The following UBE2J1 variants were observed in gnomAD, a reference collection of about 807,000 sequenced individuals.
UBE2J1 encodes ubiquitin-conjugating enzyme E2 J1.
A neutral mutation model predicts 42.1 loss-of-function variants in UBE2J1; 17 were observed. The ratio of observed to expected loss-of-function variants is 0.40; its 90% CI spans 0.28 to 0.61. The LOEUF is 0.61. Among genes scored for constraint, UBE2J1 ranks in the 20% least tolerant of loss-of-function variants. UBE2J1 has a pLI of 0.38. For missense variants in UBE2J1, 291 were observed against 389.4 expected, an observed-to-expected ratio of 0.75 and a Z score of 2.13; for synonymous variants, 127 against 137.2, an observed-to-expected ratio of 0.93 and a Z score of 0.52.
At chr6:89,344,988 G>T (rs1413120294) in intron 1 of UBE2J1, among the ~76,000 whole-genome samples, 4 of 152,166 alleles carry the variant, frequency 2.6e-5, no homozygotes, top group Admixed American at 2.6e-4. Context: ...CAGTGGGATG[G>T]CTGAGTTAGG....
chr6:89,347,019 G>A (rs1768378037), intron 1 of UBE2J1, among the ~76,000 whole-genome samples: 1 of 152,134 alleles, frequency 6.6e-6, no homozygotes, highest in Non-Finnish European at 1.5e-5. Flanking sequence ...AAAGGCAATG[G>A]TTTTTAAACT....
chr6:89,342,048 A>G (rs1347413472), intron 3 of UBE2J1, among the ~76,000 whole-genome samples: 1 of 152,192 alleles, frequency 6.6e-6, no homozygotes, highest in African/African-American at 2.4e-5. Context: ...ATGAAGTGCC[A>G]GATGTGTATG....
intron 3 of UBE2J1, among the ~76,000 whole-genome samples, 191 bp from the exon 4 acceptor site, chr6:89,338,734 C>T (rs1337544418): frequency 8.2e-6 from 1 of 122,020 alleles, no homozygotes; most frequent in African/African-American, 3.1e-5. Context: ...GGTGTGATAT[C>T]AGCTCACTGC....
intron 1 of UBE2J1, 70 bp from the exon 2 acceptor site, chr6:89,343,826 G>T: frequency 1.6e-6 from 2 of 1,251,434 alleles, no homozygotes; most frequent in Middle Eastern, 2.7e-4. Context: ...AGTCTTACGA[G>T]CCTAATGAAA....
intron 1 of UBE2J1, among the ~76,000 whole-genome samples, chr6:89,351,709 C>T (rs1411797824): frequency 6.6e-6 from 1 of 152,152 alleles, no homozygotes; most frequent in African/African-American, 2.4e-5. Flanking sequence ...TTTCTTCCCC[C>T]TGACAAAATG....
rs142918559 is a variant in UBE2J1, at chr6:89,336,344, G to A, written c.429-913C>T. The stretch of plus-strand genomic sequence containing the variant: ...CTCGTTCTATCACCCAGGCTGGAAT[G>A]CAGTGGTGCAATCATGGCTTGCTGC... On this transcript the variant is annotated intron_variant, in intron 5 of 7. Coordinates refer to ENST00000435041, the MANE Select transcript of UBE2J1 (RefSeq NM_016021.3). Among the ~76,000 whole-genome samples the A allele has an allele frequency of 9.6e-3, 1,465 of 152,120 alleles. 25 individuals are homozygous for A. Among genetic ancestry groups the A allele is most frequent in the African/African-American group, 0.033 (1,375 of 41,490 alleles).
chr6:89,341,012 T>C (rs941344937), intron 3 of UBE2J1, among the ~76,000 whole-genome samples: 2 of 151,752 alleles, frequency 1.3e-5, no homozygotes, highest in East Asian at 3.9e-4. Context: ...CCTGACCTCA[T>C]GATCCACCCG....
chr6:89,328,531 G>A lies in UBE2J1; in HGVS notation c.*1148C>T, dbSNP rs559740403. 6.6e-6 allele frequency: 1 copy of A among 152,310 alleles called. No individual in the cohort carries two copies. The highest frequency in any genetic ancestry group is 2.4e-5 in the African/African-American group (1 of 41,560). The allele number at this position is 152,310 out of a possible 1,614,324, so 9.4% of individuals were successfully genotyped here. ...AACAACACCCTCAAGAGTGCCCTCA[G>A]TGCTGCGAACTGAACATGCTGAAGG... is the stretch of plus-strand genomic sequence containing the variant. On this transcript the variant is annotated 3_prime_UTR_variant, in exon 8 of 8. Transcript: ENST00000435041.
chr6:89,329,907 A>G lies in UBE2J1; in HGVS notation c.729T>C (p.Pro243=), dbSNP rs758244778. 145 of 1,614,032 alleles carry G rather than the reference A, an allele frequency of 9.0e-5. No individual in the cohort carries two copies. Among genetic ancestry groups the G allele is most frequent in the Non-Finnish European group, 1.1e-4 (133 of 1,180,006 alleles). ...SAASFHQPTQ[P]VAKNTSMSPR... is the part of the protein sequence containing the mutation. Reference sequence around the variant, plus strand: ...GGCTCATGGAGGTATTCTTAGCTACAGGTTGGGTAGGTTGATGAAAGGATG... The same window carrying G: ...GGCTCATGGAGGTATTCTTAGCTACGGGTTGGGTAGGTTGATGAAAGGATG... The change falls in exon 8 of 8, where the codon CCT becomes CCC. Residue 243 remains proline, a synonymous_variant. Transcript: ENST00000435041.
intron 1 of UBE2J1, among the ~76,000 whole-genome samples, chr6:89,344,137 C>T (rs942527962): frequency 3.9e-5 from 6 of 152,012 alleles, no homozygotes; most frequent in Non-Finnish European, 8.8e-5. Context: ...AGCCGAGACA[C>T]GGAGAGATTA....
In UBE2J1 at chr6:89,342,475, C is replaced by T; in HGVS notation, c.106-20G>A. 2.5e-6 allele frequency: 4 copies of T among 1,574,006 alleles called. No homozygotes were observed. Among genetic ancestry groups the T allele is most frequent in the Non-Finnish European group, 3.4e-6 (4 of 1,165,490 alleles). ...GTTATCCTGAACAAAAACAATAATC[C>T]ACAAGGAATTAATAATATTGAAAAG... On this transcript the variant is annotated intron_variant, in intron 2 of 7. Transcript: ENST00000435041.
chr6:89,338,661 T>G lies in UBE2J1; in HGVS notation c.238-118A>C, dbSNP rs888748885. Reference sequence around the variant, plus strand: ...AGAGATTATCTTAAAAAGTTTGTTTTTTTTTTTTTTTTTTTTTTTTTTGAG... The same window carrying G: ...AGAGATTATCTTAAAAAGTTTGTTTGTTTTTTTTTTTTTTTTTTTTTTGAG... On this transcript the variant is annotated intron_variant, in intron 3 of 7. Coordinates refer to ENST00000435041, the MANE Select transcript of UBE2J1 (RefSeq NM_016021.3). The G allele has an allele frequency of 3.3e-4, 77 of 231,056 alleles. 4 individuals are homozygous for G. In the East Asian group the frequency reaches 4.3e-3, roughly 13 times the overall value. 14.3% of individuals were successfully genotyped at this position (231,056 alleles called of 1,614,324 possible).
Position 89,329,813 on chromosome 6 carries a change from G to A in UBE2J1, c.823C>T (p.His275Tyr), listed in dbSNP as rs138581028. Residue 275 changes from histidine (H) to tyrosine (Y), a missense_variant, in exon 8 of 8, where the codon CAC (histidine) becomes TAC (tyrosine). Transcript: ENST00000435041. The part of the protein sequence containing the change: ...LSTSPDVIQG[H>Y]QPRDNHTDHG... Reference sequence around the variant, plus strand: ...TCAGTGTGGTTGTCTCTTGGCTGGTGGCCCTGGATTACATCTGGTGAAGTA... The same window carrying A: ...TCAGTGTGGTTGTCTCTTGGCTGGTAGCCCTGGATTACATCTGGTGAAGTA... The A allele has an allele frequency of 8.4e-5, 135 of 1,614,094 alleles. 1 individual carries two copies. The East Asian group carries it at 2.9e-3, about 34-fold the overall frequency.
At chr6:89,339,467 AGGG>A (rs1309167976) in intron 3 of UBE2J1, among the ~76,000 whole-genome samples, 4 of 4,104 alleles carry the variant, frequency 9.7e-4, no homozygotes, top group Admixed American at 2.2e-3. Context: ...AGGGGAGGAG[AGGG>A]GGGGAGGGGG....
chr6:89,342,598 C>A, intron 2 of UBE2J1, 143 bp from the exon 3 acceptor site: 1 of 699,896 alleles, frequency 1.4e-6, no homozygotes, highest in Non-Finnish European at 2.2e-6. Context: ...TGAGATGTCT[C>A]GAGACTATAA....
chr6:89,337,709 T>C (rs1052286055), intron 5 of UBE2J1, among the ~76,000 whole-genome samples: 3 of 152,210 alleles, frequency 2.0e-5, no homozygotes, highest in African/African-American at 7.2e-5. Context: ...ATCACTTCTC[T>C]GTTTGTGATT....
At chr6:89,348,074 G>A (rs904717696) in intron 1 of UBE2J1, among the ~76,000 whole-genome samples, 5 of 152,150 alleles carry the variant, frequency 3.3e-5, no homozygotes, top group Non-Finnish European at 5.9e-5. Context: ...CCTGGCAACC[G>A]GGCTACAGCA....
At chr6:89,343,838 AAT>A (rs1768306902) in intron 1 of UBE2J1, 82 bp from the exon 2 acceptor site, 2 of 1,106,404 alleles carry the variant, frequency 1.8e-6, no homozygotes, top group Non-Finnish European at 2.6e-6. Context: ...CTAATGAAAA[AAT>A]GTGTAGAGAA....
chr6:89,335,544 T>G, intron 5 of UBE2J1, 113 bp from the exon 6 acceptor site: 1 of 697,786 alleles, frequency 1.4e-6, no homozygotes. Flanking sequence ...CACTGGAAAA[T>G]TCCACATCAC....
Sources: gnomAD v4.1 joint callset for allele counts (sites outside exome capture counted in the v4.1 genomes callset) on GRCh38, gnomAD v4.1.1 for gene constraint, MANE v1.5 for transcripts, NCBI Gene and HGNC (gene_info 2026-07-23, HGNC 2026-07-21) for gene names.